The following TNR variants were observed in gnomAD, a reference collection of about 807,000 sequenced individuals.
TNR encodes the protein tenascin-R.
In TNR, 45 loss-of-function variants were observed where a neutral mutation model predicts 150.4. The observed-to-expected ratio is 0.30, with a 90% CI of 0.24 to 0.38. TNR has a LOEUF of 0.38. TNR is among the 10% of genes least tolerant of loss of function. The pLI is 1.00. For missense variants in TNR, 1,544 were observed against 1,759.1 expected, an observed-to-expected ratio of 0.88 and a Z score of 2.19; for synonymous variants, 687 against 678.4, an observed-to-expected ratio of 1.01 and a Z score of -0.20.
At chr1:175,495,601 A>G (rs1658454591) in intron 2 of TNR, among the ~76,000 whole-genome samples, 1 of 152,206 alleles carries the variant, frequency 6.6e-6, no homozygotes, top group African/African-American at 2.4e-5. Flanking sequence ...GGGGATATCT[A>G]AGCACCCACA....
intron 1 of TNR, among the ~76,000 whole-genome samples, chr1:175,698,360 G>A (rs28674121): frequency 0.034 from 5,105 of 152,240 alleles, 270 homozygotes; most frequent in African/African-American, 0.11. Context: ...AAGAGCAGAC[G>A]TGAAGGAACC....
intron 12 of TNR, 150 bp downstream of exon 12, chr1:175,364,860 G>A (rs1651759013): frequency 8.7e-6 from 8 of 915,740 alleles, no homozygotes; most frequent in Non-Finnish European, 1.3e-5. Flanking sequence ...ACTGGAGGAA[G>A]TAGCTGTTTC....
At chr1:175,698,304 G>T (rs12075505) in intron 1 of TNR, among the ~76,000 whole-genome samples, 3 of 152,252 alleles carry the variant, frequency 2.0e-5, no homozygotes, top group African/African-American at 7.2e-5. Context: ...AGTCTTTGCC[G>T]TTCCATATGG....
intron 17 of TNR, among the ~76,000 whole-genome samples, chr1:175,355,222 T>C (rs1484304348): frequency 6.6e-6 from 1 of 152,198 alleles, no homozygotes; most frequent in Non-Finnish European, 1.5e-5. Context: ...AGACCTTCAT[T>C]AGCTAGAGAA....
chr1:175,484,879 G>A (rs1657947128), intron 2 of TNR, among the ~76,000 whole-genome samples: 1 of 152,164 alleles, frequency 6.6e-6, no homozygotes, highest in Non-Finnish European at 1.5e-5. Context: ...GAGTTTGTGA[G>A]CATATGATGA....
chr1:175,561,080 T>G (rs1661407846), intron 1 of TNR, among the ~76,000 whole-genome samples: 1 of 152,234 alleles, frequency 6.6e-6, no homozygotes, highest in African/African-American at 2.4e-5. Flanking sequence ...TACTGAAAGC[T>G]GTTTTTGTTG....
At chr1:175,441,046 T>C (rs1230968163) in intron 2 of TNR, among the ~76,000 whole-genome samples, 2 of 152,134 alleles carry the variant, frequency 1.3e-5, no homozygotes, top group Non-Finnish European at 2.9e-5. Context: ...TGCTTCCTTT[T>C]CTCAAAGAAA....
rs192957230 is a variant in TNR, at chr1:175,430,996, T to C, written c.-63-24219A>G. 4.2e-3 allele frequency among the ~76,000 whole-genome samples: 636 copies of C among 152,324 alleles called. 5 individuals are homozygous for C. The highest frequency in any genetic ancestry group is 6.0e-3 in the Non-Finnish European group (406 of 68,038). On this transcript the variant is annotated intron_variant, in intron 2 of 22. Coordinates refer to ENST00000367674, the MANE Select transcript of TNR (RefSeq NM_003285.3). ...TGGGCATCCTTATGTTGCATATCTA[T>C]ACATGGGCTAGGGGAGATATTTGAC...
At chr1:175,476,735 A>G (rs1657558262) in intron 2 of TNR, among the ~76,000 whole-genome samples, 1 of 152,228 alleles carries the variant, frequency 6.6e-6, no homozygotes, top group Non-Finnish European at 1.5e-5. Context: ...ACACCATTGT[A>G]TGCAACCACT....
chr1:175,403,807 G>C (rs1653831383), intron 3 of TNR, among the ~76,000 whole-genome samples, 191 bp from the exon 4 acceptor site: 1 of 152,234 alleles, frequency 6.6e-6, no homozygotes, highest in South Asian at 2.1e-4. Flanking sequence ...TCTGTGCCTA[G>C]CACAGGGCTG....
At chr1:175,404,646 C>T (rs143852682) in intron 3 of TNR, among the ~76,000 whole-genome samples, 107 of 152,290 alleles carry the variant, frequency 7.0e-4, no homozygotes, top group African/African-American at 2.4e-3. Flanking sequence ...ACTTTACTGA[C>T]ATTATTTAAC....
intron 1 of TNR, among the ~76,000 whole-genome samples, chr1:175,651,375 G>A (rs984492778): frequency 1.2e-4 from 19 of 152,198 alleles, no homozygotes; most frequent in African/African-American, 4.1e-4. Flanking sequence ...GAAGGGATGA[G>A]TGGCGGATGG....
At chr1:175,614,041 A>G (rs982681497) in intron 1 of TNR, among the ~76,000 whole-genome samples, 1 of 152,224 alleles carries the variant, frequency 6.6e-6, no homozygotes, top group African/African-American at 2.4e-5. Context: ...CTATAAATTA[A>G]GGGCAATAGT....
chr1:175,473,323 ACACAC>A (rs1203802681), intron 2 of TNR, among the ~76,000 whole-genome samples: 2 of 152,188 alleles, frequency 1.3e-5, no homozygotes, highest in Non-Finnish European at 2.9e-5. Flanking sequence ...AAATGCATGC[ACACAC>A]ATGCTCATCA....
chr1:175,689,111 G>A (rs548960676), intron 1 of TNR, among the ~76,000 whole-genome samples: 198 of 152,302 alleles, frequency 1.3e-3, no homozygotes, highest in African/African-American at 4.6e-3. Flanking sequence ...GTAGGACCAC[G>A]TCGGAAACCC....
intron 1 of TNR, among the ~76,000 whole-genome samples, chr1:175,631,706 G>C (rs1206259799): frequency 6.6e-6 from 1 of 152,164 alleles, no homozygotes; most frequent in African/African-American, 2.4e-5. Flanking sequence ...GTGAGTGTGA[G>C]GGTGTGTGTG....
rs764873218 is a variant in TNR, at chr1:175,365,032, G to A, written c.2565C>T (p.Pro855=). 3.1e-6 allele frequency: 5 copies of A among 1,608,902 alleles called. No homozygotes were observed. Among genetic ancestry groups the A allele is most frequent in the Non-Finnish European group, 4.3e-6 (5 of 1,176,050 alleles). Residue 855 remains proline, a synonymous_variant, in exon 12 of 23, where the codon CCC becomes CCT. Transcript: ENST00000367674. ...CACCTGTGGTGATGGAGCCCACAATGGGCTCAGAGGTCACTGTGCCATGGA... is the reference window on the plus strand; with the variant it reads ...CACCTGTGGTGATGGAGCCCACAATAGGCTCAGAGGTCACTGTGCCATGGA... ...VAVHGTVTSE[P]IVGSITTGID... is the part of the protein sequence containing the mutation.
At chr1:175,458,645 A>G (rs1437977148) in intron 2 of TNR, among the ~76,000 whole-genome samples, 4 of 152,186 alleles carry the variant, frequency 2.6e-5, no homozygotes, top group Non-Finnish European at 2.9e-5. Context: ...ACCAGCAGGC[A>G]GTCTCCCTCA....
rs142334040 is a variant in TNR at position 175,466,840 on chromosome 1, C to T, written c.-63-60063G>A. ...AGACAAACTAGCCTGGGTAGGAATC[C>T]GGGCTCCTCTTTCCTTCTGGGTTCC... On this transcript the variant is annotated intron_variant, in intron 2 of 22. Transcript: ENST00000367674. Among the ~76,000 whole-genome samples, 18 of 152,242 alleles carry T rather than the reference C, an allele frequency of 1.2e-4. No individual in the cohort carries two copies. In the East Asian group the frequency reaches 2.7e-3, roughly 23 times the overall value.
Sources: gnomAD v4.1 joint callset for allele counts (sites outside exome capture counted in the v4.1 genomes callset) on GRCh38, gnomAD v4.1.1 for gene constraint, MANE v1.5 for transcripts, NCBI Gene and HGNC (gene_info 2026-07-23, HGNC 2026-07-21) for gene names.